RYR3: variants seen among roughly 807,000 people sequenced by gnomAD.
RYR3 encodes the protein brain ryanodine receptor-calcium release channel.
RYR3 carries 207 observed loss-of-function variants against 584.3 expected under a neutral mutation model. The ratio of observed to expected loss-of-function variants is 0.35; its 90% confidence interval spans 0.32 to 0.40. The LOEUF is 0.40. Among genes scored for constraint, RYR3 ranks in the 10% least tolerant of loss-of-function variants. The pLI is 1.00. For synonymous variants in RYR3, 2,416 were observed against 2,248.5 expected, an observed-to-expected ratio of 1.07 and a Z score of -2.11; for missense variants, 5,616 against 6,089.2, an observed-to-expected ratio of 0.92 and a Z score of 2.59.
rs75424008 is a variant in RYR3 at position 33,360,977 on chromosome 15, C to T, written c.51+49881C>T. Among the ~76,000 whole-genome samples the T allele has an allele frequency of 8.6e-3, 1,311 of 152,312 alleles. 23 individuals carry two copies. Among genetic ancestry groups the T allele is most frequent in the African/African-American group, 0.03 (1,240 of 41,558 alleles). On this transcript the variant is annotated intron_variant, in intron 1 of 103. Coordinates refer to ENST00000634891, the MANE Select transcript of RYR3 (RefSeq NM_001036.6). ...AATCCCACTGCTGTTCCCTAGCTTT[C>T]TCCTCTCAGCACCGAGCAGTAATGG...
intron 23 of RYR3, among the ~76,000 whole-genome samples, chr15:33,631,924 C>A (rs532419840): frequency 6.6e-6 from 1 of 152,166 alleles, no homozygotes; most frequent in Non-Finnish European, 1.5e-5. Context: ...GTTTATCTTC[C>A]CCCTTCTTTC....
intron 2 of RYR3, among the ~76,000 whole-genome samples, chr15:33,497,903 C>G (rs996683418): frequency 6.6e-6 from 1 of 152,168 alleles, no homozygotes; most frequent in East Asian, 1.9e-4. Context: ...CACCATTCTA[C>G]TCTCTCTACA....
rs546957619 is a variant in RYR3, at chr15:33,554,400, A to G, written c.972+4084A>G. ...AAGCTCCGCCTCCCGGCTTCACGCC[A>G]TTCTCCTGCCTCAGCCTCCCGAGTA... On this transcript the variant is annotated intron_variant, in intron 10 of 103. Coordinates refer to ENST00000634891, the MANE Select transcript of RYR3 (RefSeq NM_001036.6). Among the ~76,000 whole-genome samples the G allele has an allele frequency of 5.7e-4, 85 of 148,166 alleles. 1 individual carries two copies. Among genetic ancestry groups the G allele is most frequent in the Middle Eastern group, 7.0e-3 (2 of 286 alleles).
chr15:33,789,511 TG>T (rs1296700949), intron 67 of RYR3, among the ~76,000 whole-genome samples: 1 of 148,652 alleles, frequency 6.7e-6, no homozygotes, highest in Non-Finnish European at 1.5e-5. Context: ...GCTTTCCTTT[TG>T]GGGTGATGAA....
intron 6 of RYR3, among the ~76,000 whole-genome samples, chr15:33,540,458 A>G (rs2055725925): frequency 6.6e-6 from 1 of 152,124 alleles, no homozygotes; most frequent in African/African-American, 2.4e-5. Flanking sequence ...TACTTTGCCT[A>G]GGCCAAGTGT....
intron 3 of RYR3, among the ~76,000 whole-genome samples, chr15:33,514,831 C>G (rs554730564): frequency 4.8e-4 from 73 of 152,012 alleles, no homozygotes; most frequent in African/African-American, 1.6e-3. Flanking sequence ...GAAACCCCAT[C>G]TCTACTAAAA....
intron 1 of RYR3, among the ~76,000 whole-genome samples, chr15:33,470,441 A>C (rs971606776): frequency 9.9e-5 from 15 of 150,812 alleles, no homozygotes; most frequent in African/African-American, 3.5e-4. Context: ...ATAAAACCCC[A>C]GAGTTGTGTT....
chr15:33,390,457 G>A lies in RYR3; in HGVS notation c.51+79361G>A, dbSNP rs900352368. 1.3e-4 allele frequency among the ~76,000 whole-genome samples: 20 copies of A among 152,212 alleles called. No homozygotes were observed. The highest frequency in any genetic ancestry group is 2.9e-5 in the Non-Finnish European group (2 of 68,040). On this transcript the variant is annotated intron_variant, in intron 1 of 103. Coordinates refer to ENST00000634891, the MANE Select transcript of RYR3 (RefSeq NM_001036.6). The surrounding 1 kb of genome is among the most constrained non-coding windows in gnomAD (Gnocchi z 4.2). Reference sequence around the variant, plus strand: ...GAATTCCTATAAAACCTCCTGTGAAGTTGCTTCTCTTTATCTGTTGATCTT... The same window carrying A: ...GAATTCCTATAAAACCTCCTGTGAAATTGCTTCTCTTTATCTGTTGATCTT...
intron 43 of RYR3, among the ~76,000 whole-genome samples, chr15:33,713,960 G>T (rs1412193665): frequency 6.6e-6 from 1 of 152,134 alleles, no homozygotes; most frequent in Non-Finnish European, 1.5e-5. Flanking sequence ...ATTTCAACAT[G>T]AATTTTGGAG....
chr15:33,863,047 G>A (rs1287619178), intron 102 of RYR3, among the ~76,000 whole-genome samples: 1 of 152,122 alleles, frequency 6.6e-6, no homozygotes, highest in Non-Finnish European at 1.5e-5. Flanking sequence ...CTGTACCCAT[G>A]GGTTATAGAC....
chr15:33,757,545 C>T lies in RYR3; in HGVS notation c.8654C>T (p.Pro2885Leu). Residue 2885 changes from proline (P) to leucine (L), a missense_variant, in exon 60 of 104, where the codon CCC becomes CTC. By Grantham distance (98) the Pro-to-Leu change is moderately conservative. Transcript: ENST00000634891. ...CLYFLSSPLKPLSSSGYASHK... is the reference protein window; with the variant it reads ...CLYFLSSPLKLLSSSGYASHK... ...TACTTCTTGTCATCCCCTCTGAAGCCCCTTAGCAGCAGCGGATATGCCTCC... is the reference window on the plus strand; with the variant it reads ...TACTTCTTGTCATCCCCTCTGAAGCTCCTTAGCAGCAGCGGATATGCCTCC... 6.2e-7 allele frequency: 1 copy of T among 1,611,608 alleles called. No individual in the cohort carries two copies. The highest frequency in any genetic ancestry group is 1.3e-5 in the African/African-American group (1 of 74,956).
At chr15:33,626,086 T>C (rs139962848) in intron 20 of RYR3, among the ~76,000 whole-genome samples, 2 of 152,324 alleles carry the variant, frequency 1.3e-5, no homozygotes, top group Non-Finnish European at 2.9e-5. Context: ...TGAGTGTGAC[T>C]CCTGTCTGGG....
In RYR3 at chr15:33,633,015, T is replaced by C. The variant is rs1354918922; in HGVS notation, c.2934T>C (p.Pro978=). ...TGTCTGATGTGAAGCTGTTACCTCC[T>C]CAAGAAATTTTAGTGGATAAGCTTG... ...LDLSDVKLLP[P]QEILVDKLAE... Residue 978 remains proline, a synonymous_variant, in exon 24 of 104, where the codon CCT becomes CCC. Transcript: ENST00000634891. The C allele has an allele frequency of 6.2e-7, 1 of 1,613,986 alleles. No homozygotes were observed. Among genetic ancestry groups the C allele is most frequent in the East Asian group, 2.2e-5 (1 of 44,888 alleles).
At chr15:33,836,518 C>A (rs922766301) in intron 87 of RYR3, among the ~76,000 whole-genome samples, 1 of 152,144 alleles carries the variant, frequency 6.6e-6, no homozygotes, top group South Asian at 2.1e-4. Flanking sequence ...AACCTTGATA[C>A]CTTTACCAGA....
At chr15:33,539,524 G>A in intron 6 of RYR3, 62 bp downstream of exon 6, 3 of 999,942 alleles carry the variant, frequency 3.0e-6, no homozygotes, top group East Asian at 2.6e-5. Context: ...GGAATAGATG[G>A]CCATGAAGAA....
intron 8 of RYR3, among the ~76,000 whole-genome samples, chr15:33,544,571 G>A (rs187846418): frequency 3.8e-4 from 58 of 152,300 alleles, no homozygotes; most frequent in Admixed American, 7.2e-4. Flanking sequence ...TCAGATGCAA[G>A]CCTAGAAGCC....
intron 2 of RYR3, among the ~76,000 whole-genome samples, chr15:33,482,217 C>A (rs1444881986): frequency 6.6e-6 from 1 of 152,026 alleles, no homozygotes; most frequent in Admixed American, 6.5e-5. Context: ...GATAAAAAAT[C>A]ATTATTTAGT....
intron 51 of RYR3, among the ~76,000 whole-genome samples, chr15:33,740,538 C>T (rs999375989): frequency 6.6e-6 from 1 of 152,168 alleles, no homozygotes; most frequent in African/African-American, 2.4e-5. Context: ...TACTTTCTCC[C>T]TGTAATTTTC....
At chr15:33,431,923 G>GT in intron 1 of RYR3, among the ~76,000 whole-genome samples, 1 of 152,278 alleles carries the variant, frequency 6.6e-6, no homozygotes, top group Non-Finnish European at 1.5e-5. Flanking sequence ...GCCAGGAGAC[G>GT]TTTTTGCATC....
Sources: allele counts gnomAD v4.1 joint callset (sites outside exome capture counted in the v4.1 genomes callset), GRCh38; gene constraint gnomAD v4.1.1; non-coding constraint Gnocchi (gnomAD v3.1); transcripts MANE v1.5; gene names NCBI Gene and HGNC (gene_info 2026-07-23, HGNC 2026-07-21).